The following SLC35F3 variants were observed in gnomAD, a reference collection of about 807,000 sequenced individuals.
SLC35F3 encodes the protein putative thiamine transporter SLC35F3.
SLC35F3 carries 25 observed loss-of-function variants against 49.9 expected under a neutral mutation model. The observed-to-expected ratio is 0.50, with a 90% CI of 0.37 to 0.70. SLC35F3 has a LOEUF of 0.70. Among genes scored for constraint, SLC35F3 ranks in the 30% least tolerant of loss-of-function variants. SLC35F3 has a pLI of 0.00. For missense variants in SLC35F3, 525 were observed against 639.8 expected (o/e 0.82, Z 1.94); for synonymous variants, 275 against 265.4 (o/e 1.04, Z -0.35).
At chr1:234,017,715 G>GGA (rs1663825528) in intron 2 of SLC35F3, among the ~76,000 whole-genome samples, 1 of 91,766 alleles carries the variant, frequency 1.1e-5, no homozygotes, top group Non-Finnish European at 2.0e-5. Flanking sequence ...CTTTGTCTCA[G>GGA]AAAAAAAAAA....
intron 2 of SLC35F3, among the ~76,000 whole-genome samples, chr1:233,958,413 G>T (rs537112395): frequency 2.0e-5 from 3 of 152,320 alleles, no homozygotes; most frequent in African/African-American, 7.2e-5. Context: ...TAGTAGGCAA[G>T]TAGTAAGCAT....
chr1:234,312,304 G>A (rs911036330), intron 4 of SLC35F3, among the ~76,000 whole-genome samples: 5 of 152,178 alleles, frequency 3.3e-5, no homozygotes, highest in African/African-American at 9.7e-5. Flanking sequence ...AGGGACGGGG[G>A]AAGGAGCCAG....
intron 2 of SLC35F3, among the ~76,000 whole-genome samples, chr1:234,060,853 T>A (rs186172126): frequency 6.6e-6 from 1 of 152,314 alleles, no homozygotes; most frequent in Non-Finnish European, 1.5e-5. Flanking sequence ...AATCTCTTTA[T>A]CCCAACATAG....
rs1251176465 is a variant in SLC35F3 at position 234,214,485 on chromosome 1, G to A, written c.284-16932G>A. 2 of 1,524,932 alleles carry A rather than the reference G, an allele frequency of 1.3e-6. No individual in the cohort carries two copies. Among genetic ancestry groups the A allele is most frequent in the East Asian group, 2.7e-5 (1 of 36,992 alleles). The allele number at this position is 1,524,932 out of a possible 1,614,324, so 94.5% of individuals were successfully genotyped here. On this transcript the variant is annotated intron_variant, in intron 2 of 7. Coordinates refer to ENST00000366618, the MANE Select transcript of SLC35F3 (RefSeq NM_173508.4). This position sits in a 1 kb window ranked among gnomAD's most constrained non-coding sequence, Gnocchi z 8.0. ...GCGATCGGCGGCAGCGCTCCTGCAGGCGGCCGGCTCATCATGAAGAAGCAC... is the reference window on the plus strand; with the variant it reads ...GCGATCGGCGGCAGCGCTCCTGCAGACGGCCGGCTCATCATGAAGAAGCAC...
rs575926792 is a variant in SLC35F3 at position 234,237,212 on chromosome 1, G to A, written c.608+5471G>A. ...AATTATGTAACTGGCTACAGCATAC[G>A]GTCCCATTTCACATAAGAGGTGGAA... On this transcript the variant is annotated intron_variant, in intron 3 of 7. Coordinates refer to ENST00000366618, the MANE Select transcript of SLC35F3 (RefSeq NM_173508.4). Among the ~76,000 whole-genome samples the A allele has an allele frequency of 2.8e-4, 42 of 151,952 alleles. 1 individual carries two copies. Among genetic ancestry groups the A allele is most frequent in the Non-Finnish European group, 5.6e-4 (38 of 67,984 alleles).
At chr1:234,315,941 G>A (rs762762131) in intron 4 of SLC35F3, among the ~76,000 whole-genome samples, 2 of 152,154 alleles carry the variant, frequency 1.3e-5, no homozygotes, top group African/African-American at 4.8e-5. Context: ...TGAAGCCTCC[G>A]TCCCATCTGA....
intron 2 of SLC35F3, among the ~76,000 whole-genome samples, chr1:234,135,670 A>G (rs1002998320): frequency 6.6e-6 from 1 of 152,246 alleles, no homozygotes; most frequent in Non-Finnish European, 1.5e-5. Flanking sequence ...AATGGTGTCT[A>G]TCCAGGAAGC....
intron 2 of SLC35F3, among the ~76,000 whole-genome samples, chr1:234,153,980 T>G (rs917607881): frequency 2.6e-5 from 4 of 151,288 alleles, no homozygotes; most frequent in Admixed American, 2.0e-4. Flanking sequence ...GGAGAAGGCG[T>G]GAACCCAGGA....
chr1:233,949,769 C>A (rs1315831330), intron 2 of SLC35F3, among the ~76,000 whole-genome samples: 1 of 151,996 alleles, frequency 6.6e-6, no homozygotes, highest in Non-Finnish European at 1.5e-5. Context: ...TGCTGTACCG[C>A]TAAATTAAAT....
At chr1:234,037,198 A>G (rs3943408) in intron 2 of SLC35F3, among the ~76,000 whole-genome samples, 116,335 of 151,848 alleles carry the variant, frequency 0.77, 45,426 homozygotes, top group African/African-American at 0.92. Context: ...GGGCCTCAGG[A>G]AGCTTCCAAT....
intron 2 of SLC35F3, among the ~76,000 whole-genome samples, chr1:234,121,133 C>CT (rs66702949): frequency 0.29 from 29,911 of 102,932 alleles, 6,581 homozygotes; most frequent in East Asian, 0.81. Context: ...TGAAAAATTA[C>CT]TTTTTTTTTT....
At chr1:234,247,997 T>C (rs1449686196) in intron 3 of SLC35F3, among the ~76,000 whole-genome samples, 1 of 152,296 alleles carries the variant, frequency 6.6e-6, no homozygotes, top group African/African-American at 2.4e-5. Flanking sequence ...GTTGGTTGAC[T>C]GGTTCGTTGT....
chr1:234,315,965 G>A (rs1425681125), intron 4 of SLC35F3, among the ~76,000 whole-genome samples: 2 of 152,200 alleles, frequency 1.3e-5, no homozygotes, highest in Non-Finnish European at 2.9e-5. Flanking sequence ...GTCAGCATCA[G>A]GACAATAACA....
intron 3 of SLC35F3, among the ~76,000 whole-genome samples, chr1:234,245,916 T>C (rs544983459): frequency 9.9e-4 from 151 of 152,226 alleles, no homozygotes; most frequent in African/African-American, 3.6e-3. Flanking sequence ...CAAAGTCACA[T>C]AGTGTCACTT....
chr1:234,308,345 A>G (rs1657258389), intron 3 of SLC35F3, among the ~76,000 whole-genome samples: 1 of 152,230 alleles, frequency 6.6e-6, no homozygotes. Flanking sequence ...GTGTTCTCTT[A>G]GAGCAAGCTT....
chr1:234,278,493 AG>A (rs1376544947), intron 3 of SLC35F3, among the ~76,000 whole-genome samples: 1 of 150,630 alleles, frequency 6.6e-6, no homozygotes, highest in African/African-American at 2.5e-5. Context: ...CTGTTTCAAA[AG>A]AAAAAAAAAA....
At chr1:234,095,830 G>T (rs1440162378) in intron 2 of SLC35F3, among the ~76,000 whole-genome samples, 1 of 152,158 alleles carries the variant, frequency 6.6e-6, no homozygotes, top group Non-Finnish European at 1.5e-5. Context: ...ATAGGGAGAT[G>T]GTGGGGATGA....
At chr1:234,050,265 G>C (rs1664355162) in intron 2 of SLC35F3, among the ~76,000 whole-genome samples, 1 of 152,230 alleles carries the variant, frequency 6.6e-6, no homozygotes, top group Admixed American at 6.5e-5. Flanking sequence ...CAGTGTAAAA[G>C]TGTTCCTTTT....
rs183650015 is a variant in SLC35F3, at chr1:234,054,057, C to T, written c.283+148299C>T. Among the ~76,000 whole-genome samples the T allele has an allele frequency of 9.5e-4, 144 of 152,306 alleles. 1 individual carries two copies. The highest frequency in any genetic ancestry group is 3.4e-3 in the Middle Eastern group (1 of 294). ...CCTTTGTGGGTAACCAGACCTTTCT[C>T]TCTGGCACCCTTAACATTTTTTCCT... On this transcript the variant is annotated intron_variant, in intron 2 of 7. Transcript: ENST00000366618.
Sources: gnomAD v4.1 joint callset for allele counts (sites outside exome capture counted in the v4.1 genomes callset) on GRCh38, gnomAD v4.1.1 for gene constraint, Gnocchi (gnomAD v3.1) non-coding constraint, MANE v1.5 for transcripts, NCBI Gene and HGNC (gene_info 2026-07-23, HGNC 2026-07-21) for gene names.